CNTN4: variants seen among roughly 807,000 people sequenced by gnomAD.
The protein encoded by CNTN4 is contactin-4.
CNTN4 carries 77 observed loss-of-function variants against 122.5 expected under a neutral mutation model. The observed-to-expected ratio is 0.63, with a 90% CI of 0.52 to 0.76. The LOEUF (loss-of-function observed/expected upper bound fraction) is 0.76, where lower values mean the gene tolerates loss of function less well. Ranked by LOEUF, CNTN4 falls within the 30% of genes least tolerant of loss-of-function variation. The probability of loss-of-function intolerance (pLI) is 0.00; values close to 1 mark genes in which losing one functional copy is unlikely to be tolerated. For missense variants in CNTN4, 1,256 were observed against 1,259.1 expected, an observed-to-expected ratio of 1.00 and a Z score of 0.04; for synonymous variants, 512 against 447.0, an observed-to-expected ratio of 1.15 and a Z score of -1.83.
chr3:2,517,558 T>C (rs1351257918), intron 3 of CNTN4, among the ~76,000 whole-genome samples: 1 of 152,186 alleles, frequency 6.6e-6, no homozygotes, highest in Non-Finnish European at 1.5e-5. Context: ...CAATACTGAA[T>C]GACTTCTTGA....
At chr3:2,895,950 G>T (rs996545581) in intron 10 of CNTN4, among the ~76,000 whole-genome samples, 1 of 152,092 alleles carries the variant, frequency 6.6e-6, no homozygotes, top group Non-Finnish European at 1.5e-5. Context: ...GGAGAATGGC[G>T]TGAACCCAGA....
intron 4 of CNTN4, among the ~76,000 whole-genome samples, chr3:2,651,667 G>A (rs562902122): frequency 2.0e-5 from 3 of 151,876 alleles, no homozygotes; most frequent in Admixed American, 6.6e-5. Context: ...CCTAGGCAAC[G>A]TAGGGAGACC....
rs182610713 is a variant in CNTN4, at chr3:2,937,632, A to G, written c.1358+11853A>G. ...GACTTGGTTTCTAGAGTTTTATAAAATTCAGCTACTGTGACCATGTATACA... is the reference window on the plus strand; with the variant it reads ...GACTTGGTTTCTAGAGTTTTATAAAGTTCAGCTACTGTGACCATGTATACA... On this transcript the variant is annotated intron_variant, in intron 13 of 24. Coordinates refer to ENST00000418658, the MANE Select transcript of CNTN4 (RefSeq NM_175607.3). Among the ~76,000 whole-genome samples, 351 of 152,348 alleles carry G rather than the reference A, an allele frequency of 2.3e-3. 1 individual carries two copies. The highest frequency in any genetic ancestry group is 6.9e-3 in the Admixed American group (105 of 15,306).
intron 3 of CNTN4, among the ~76,000 whole-genome samples, chr3:2,344,965 C>G (rs957262105): frequency 6.6e-6 from 1 of 152,122 alleles, no homozygotes; most frequent in Non-Finnish European, 1.5e-5. Context: ...AATCAGCCCC[C>G]GAGGGACTTT....
At chr3:2,673,681 C>T (rs1171925598) in intron 4 of CNTN4, among the ~76,000 whole-genome samples, 1 of 152,120 alleles carries the variant, frequency 6.6e-6, no homozygotes, top group African/African-American at 2.4e-5. Context: ...GCTGGGACTA[C>T]AGGTGCCCAC....
intron 2 of CNTN4, among the ~76,000 whole-genome samples, chr3:2,240,159 T>C (rs1376864472): frequency 6.6e-6 from 1 of 152,232 alleles, no homozygotes; most frequent in Non-Finnish European, 1.5e-5. Flanking sequence ...CATTATATTT[T>C]TAGTCTAGAT....
chr3:2,751,810 A>C (rs928250261), intron 6 of CNTN4, among the ~76,000 whole-genome samples: 2 of 152,050 alleles, frequency 1.3e-5, no homozygotes, highest in East Asian at 3.9e-4. Flanking sequence ...ATTTCAGTAC[A>C]CACCCCTACA....
chr3:2,269,464 C>A (rs574283874), intron 2 of CNTN4, among the ~76,000 whole-genome samples: 3 of 152,090 alleles, frequency 2.0e-5, no homozygotes, highest in Non-Finnish European at 4.4e-5. Context: ...GATTAGTTTA[C>A]CAGACTAAGA....
intron 4 of CNTN4, among the ~76,000 whole-genome samples, chr3:2,695,033 A>G (rs761559411): frequency 2.6e-5 from 4 of 152,200 alleles, no homozygotes; most frequent in Non-Finnish European, 5.9e-5. Context: ...TGGAGAGAAT[A>G]TCAATGTTAT....
intron 2 of CNTN4, among the ~76,000 whole-genome samples, chr3:2,148,645 C>A (rs543173399): frequency 6.6e-6 from 1 of 151,992 alleles, no homozygotes; most frequent in African/African-American, 2.4e-5. Context: ...GGTAAAATTA[C>A]CCAGTTTGTG....
At chr3:2,758,159 G>A (rs1386099636) in intron 6 of CNTN4, among the ~76,000 whole-genome samples, 1 of 152,154 alleles carries the variant, frequency 6.6e-6, no homozygotes, top group Non-Finnish European at 1.5e-5. Context: ...AGGTGAGGGA[G>A]TCAACAAATG....
intron 3 of CNTN4, among the ~76,000 whole-genome samples, chr3:2,534,294 G>A (rs1231064726): frequency 6.6e-6 from 1 of 152,116 alleles, no homozygotes; most frequent in Non-Finnish European, 1.5e-5. Context: ...AAGTTGTAAG[G>A]AAGGGATCCA....
chr3:2,172,104 T>A (rs1165301851), intron 2 of CNTN4, among the ~76,000 whole-genome samples: 1 of 152,210 alleles, frequency 6.6e-6, no homozygotes, highest in African/African-American at 2.4e-5. Flanking sequence ...TATTGTAAGT[T>A]GATCTTTCTC....
chr3:2,739,932 A>G (rs1257134735), intron 5 of CNTN4, among the ~76,000 whole-genome samples: 1 of 152,222 alleles, frequency 6.6e-6, no homozygotes, highest in Non-Finnish European at 1.5e-5. Context: ...TCCTTCTAAT[A>G]TAGAAAGGAC....
At chr3:2,148,540 A>T (rs2035351502) in intron 2 of CNTN4, among the ~76,000 whole-genome samples, 1 of 151,886 alleles carries the variant, frequency 6.6e-6, no homozygotes, top group South Asian at 2.1e-4. Flanking sequence ...CTCAAAAAAA[A>T]AAAGAAAAGA....
At chr3:2,394,402 C>G (rs2046560036) in intron 3 of CNTN4, among the ~76,000 whole-genome samples, 1 of 152,098 alleles carries the variant, frequency 6.6e-6, no homozygotes, top group East Asian at 1.9e-4. Context: ...ACTGCTAACC[C>G]AAAGTCTCCT....
intron 12 of CNTN4, among the ~76,000 whole-genome samples, chr3:2,907,285 T>G (rs1173895787): frequency 1.3e-5 from 2 of 152,100 alleles, no homozygotes; most frequent in African/African-American, 2.4e-5. Flanking sequence ...GTTAAGATTA[T>G]CTCTTGGCCG....
At chr3:2,184,128 C>G (rs934084166) in intron 2 of CNTN4, among the ~76,000 whole-genome samples, 10 of 152,198 alleles carry the variant, frequency 6.6e-5, no homozygotes, top group African/African-American at 2.4e-4. Flanking sequence ...CACACCATCA[C>G]ACGTGGCTAA....
chr3:3,000,823 T>G (rs1174318649), intron 14 of CNTN4, among the ~76,000 whole-genome samples: 1 of 152,072 alleles, frequency 6.6e-6, no homozygotes, highest in Non-Finnish European at 1.5e-5. Flanking sequence ...AGCATACCCC[T>G]AGGTTGAATT....
Sources: gnomAD v4.1 joint callset for allele counts (sites outside exome capture counted in the v4.1 genomes callset) on GRCh38, gnomAD v4.1.1 for gene constraint, MANE v1.5 for transcripts, NCBI Gene and HGNC (gene_info 2026-07-23, HGNC 2026-07-21) for gene names.